The following MX2 variants were observed in gnomAD, a reference collection of about 807,000 sequenced individuals.
The protein encoded by MX2 is MX dynamin like GTPase 2.
In MX2, 51 loss-of-function variants were observed where a neutral mutation model predicts 74.0. The ratio of observed to expected loss-of-function variants is 0.69; its 90% CI spans 0.55 to 0.87. The LOEUF (loss-of-function observed/expected upper bound fraction) is 0.87, where lower values mean the gene tolerates loss of function less well. Ranked by LOEUF, MX2 falls within the 40% of genes least tolerant of loss-of-function variation. The pLI is 0.00. For synonymous variants in MX2, 369 were observed against 339.3 expected (o/e 1.09, Z -0.96); for missense variants, 832 against 908.7 (o/e 0.92, Z 1.09).
chr21:41,365,690 C>G (rs983565499), intron 1 of MX2: 4 of 152,170 alleles, frequency 2.6e-5, no homozygotes, highest in Middle Eastern at 3.2e-3. Flanking sequence ...CATGAACATT[C>G]GTCTGCATGT....
intron 2 of MX2, 56 bp downstream of exon 2, chr21:41,377,211 G>A (rs894168359): frequency 1.3e-6 from 2 of 1,599,272 alleles, no homozygotes; most frequent in Non-Finnish European, 1.7e-6. Flanking sequence ...CGGTGCAGAG[G>A]GCTGTCATGT....
At chr21:41,398,560 G>T (rs1391728899) in intron 8 of MX2, among the ~76,000 whole-genome samples, 1 of 152,224 alleles carries the variant, frequency 6.6e-6, no homozygotes, top group African/African-American at 2.4e-5. Flanking sequence ...GATGATTCCA[G>T]ATCCTAGGAC....
intron 2 of MX2, 57 bp downstream of exon 2, chr21:41,377,212 G>A (rs1483982109): frequency 6.3e-7 from 1 of 1,598,026 alleles, no homozygotes; most frequent in Admixed American, 1.7e-5. Flanking sequence ...GGTGCAGAGG[G>A]CTGTCATGTA....
In MX2 at chr21:41,388,009, C is replaced by T. The variant is rs1214439021; in HGVS notation, c.733-2556C>T. On this transcript the variant is annotated intron_variant, in intron 5 of 13. Transcript: ENST00000330714. This position sits in a 1 kb window ranked among gnomAD's most constrained non-coding sequence, Gnocchi z 4.0. Reference sequence around the variant, plus strand: ...CTCTGCTTCAAATAACACACCCAGGCCCACGTCTCCTCCCACTTCCACCAG... The same window carrying T: ...CTCTGCTTCAAATAACACACCCAGGTCCACGTCTCCTCCCACTTCCACCAG... 6.6e-6 allele frequency among the ~76,000 whole-genome samples: 1 copy of T among 152,156 alleles called. No individual in the cohort carries two copies. The highest frequency in any genetic ancestry group is 1.5e-5 in the Non-Finnish European group (1 of 68,028).
rs925856032 is a variant in MX2 at position 41,402,895 on chromosome 21, G to A, written c.1574-372G>A. On this transcript the variant is annotated intron_variant, in intron 11 of 13. Coordinates refer to ENST00000330714, the MANE Select transcript of MX2 (RefSeq NM_002463.2). This position sits in a 1 kb window ranked among gnomAD's most constrained non-coding sequence, Gnocchi z 4.5. ...GCTCCTGTGAGAATCTAGTGCCACC[G>A]CAGATCTGAAAAGAGGTGGGGCTCA... 2.7e-5 allele frequency: 6 copies of A among 218,538 alleles called. No individual in the cohort carries two copies. Among genetic ancestry groups the A allele is most frequent in the Non-Finnish European group, 4.7e-5 (5 of 105,822 alleles). 13.5% of individuals were successfully genotyped at this position (218,538 alleles called of 1,614,324 possible).
At chr21:41,392,431 G>A (rs1427594837) in intron 6 of MX2, among the ~76,000 whole-genome samples, 1 of 152,230 alleles carries the variant, frequency 6.6e-6, no homozygotes, top group Non-Finnish European at 1.5e-5. Flanking sequence ...AACACTGGGT[G>A]ATTCTACCTT....
Position 41,403,519 on chromosome 21 carries a change from C to G in MX2, c.1650+176C>G, listed in dbSNP as rs573733782. 8.0e-6 allele frequency: 6 copies of G among 750,738 alleles called. No homozygotes were observed. The East Asian group carries it at 1.0e-4, about 13-fold the overall frequency. 46.5% of individuals were successfully genotyped at this position (750,738 alleles called of 1,614,324 possible). ...TGGTGACTCCAGGAGCACCTGCCTG[C>G]CTGGCTTCTGCTCAGGAGGCGGCTT... On this transcript the variant is annotated intron_variant, in intron 12 of 13. Coordinates refer to ENST00000330714, the MANE Select transcript of MX2 (RefSeq NM_002463.2).
rs567757838 is a variant in MX2, at chr21:41,395,006, A to G, written c.872-581A>G. On this transcript the variant is annotated intron_variant, in intron 6 of 13. Transcript: ENST00000330714. ...AAGAAGGAAGGAAGGAAGGAAGGAA[A>G]GAAGGAAGAAAGAAAAGTGCTTTTC... 7.4e-5 allele frequency among the ~76,000 whole-genome samples: 11 copies of G among 149,016 alleles called. No individual in the cohort carries two copies. The South Asian group carries it at 1.9e-3, about 25-fold the overall frequency.
chr21:41,397,669 C>G lies in MX2; in HGVS notation c.1127C>G (p.Thr376Ser). ...TVPRLAERLTTELIMHIQKSL... is the reference protein window; with the variant it reads ...TVPRLAERLTSELIMHIQKSL... ...CCCCGACTGGCAGAAAGACTTACCA[C>G]TGAACTCATCATGCATATCCAAGTG... Residue 376 changes from threonine (T) to serine (S), a missense_variant, in exon 8 of 14, where the codon ACT (threonine) becomes AGT (serine). Transcript: ENST00000330714. 1 of 1,614,162 alleles carries G rather than the reference C, an allele frequency of 6.2e-7. No homozygotes were observed. The highest frequency in any genetic ancestry group is 8.5e-7 in the Non-Finnish European group (1 of 1,179,988).
intron 6 of MX2, among the ~76,000 whole-genome samples, chr21:41,393,110 C>CAAAAAAAAAAAAAAAAAA (rs373955778): frequency 1.7e-5 from 1 of 60,082 alleles, no homozygotes. Context: ...CTCAAAAAAG[C>CAAAAAAAAAAAAAAAAAA]AAAAAAAAAA....
intron 12 of MX2, among the ~76,000 whole-genome samples, chr21:41,405,080 G>A (rs565788743): frequency 3.2e-4 from 49 of 151,828 alleles, no homozygotes; most frequent in Admixed American, 2.2e-3. Context: ...AGGCCGAGGC[G>A]GGCAGATCCC....
rs891245399 is a variant in MX2, at chr21:41,399,218, A to G, written c.1295A>G (p.Asp432Gly). ...LIEKIKMFNQ[D>G]IEKLVEGEEV... is the part of the protein sequence containing the mutation. ...CAGAAAATCAAGATGTTTAATCAGG[A>G]CATCGAAAAGTTAGTAGAAGGAGAA... is the stretch of plus-strand genomic sequence containing the variant. The change falls in exon 10 of 14, where the codon GAC (aspartate) becomes GGC (glycine). Residue 432 changes from aspartate (D) to glycine (G), a missense_variant. Asp to Gly is a moderately conservative substitution (Grantham distance 94). Coordinates refer to ENST00000330714, the MANE Select transcript of MX2 (RefSeq NM_002463.2). The G allele has an allele frequency of 6.2e-7, 1 of 1,614,048 alleles. No individual in the cohort carries two copies.
intron 1 of MX2, among the ~76,000 whole-genome samples, chr21:41,371,742 A>G (rs2145861986): frequency 6.6e-6 from 1 of 152,236 alleles, no homozygotes; most frequent in South Asian, 2.1e-4. Context: ...CTTACTCCTT[A>G]AGCAGCTCCT....
intron 12 of MX2, among the ~76,000 whole-genome samples, chr21:41,405,495 A>G (rs935949816): frequency 4.0e-5 from 6 of 151,876 alleles, no homozygotes; most frequent in African/African-American, 1.5e-4. Context: ...CACACGGTGG[A>G]AAGAGCGCTC....
intron 6 of MX2, among the ~76,000 whole-genome samples, chr21:41,392,880 G>A (rs547302138): frequency 1.3e-5 from 2 of 152,096 alleles, no homozygotes; most frequent in East Asian, 1.9e-4. Context: ...CAAGGCGGGC[G>A]GATCACCTGA....
At chr21:41,405,699 TC>T (rs1186489731) in intron 12 of MX2, among the ~76,000 whole-genome samples, 15 of 148,814 alleles carry the variant, frequency 1.0e-4, no homozygotes, top group African/African-American at 2.0e-4. Flanking sequence ...CCTCTTTCTT[TC>T]CTTTTTTTTT....
intron 3 of MX2, among the ~76,000 whole-genome samples, chr21:41,379,121 G>A (rs1381556134): frequency 6.6e-6 from 1 of 152,240 alleles, no homozygotes; most frequent in Non-Finnish European, 1.5e-5. Context: ...TGTCCCGTAA[G>A]ATGGCCATCA....
At chr21:41,367,072 GA>G (rs572775615) in intron 1 of MX2, 33 of 152,322 alleles carry the variant, frequency 2.2e-4, no homozygotes, top group African/African-American at 7.9e-4. Context: ...CGCTCTGATT[GA>G]CCATAGCATT....
At chr21:41,396,631 A>T (rs534502922) in intron 7 of MX2, among the ~76,000 whole-genome samples, 127 of 152,278 alleles carry the variant, frequency 8.3e-4, no homozygotes, top group Non-Finnish European at 1.5e-3. Context: ...ACGTAACACG[A>T]CATACACAAA....
Sources: allele counts gnomAD v4.1 joint callset (sites outside exome capture counted in the v4.1 genomes callset), GRCh38; gene constraint gnomAD v4.1.1; non-coding constraint Gnocchi (gnomAD v3.1); transcripts MANE v1.5; gene names NCBI Gene and HGNC (gene_info 2026-07-23, HGNC 2026-07-21).